RAB19: variants seen among roughly 807,000 people sequenced by gnomAD.
The protein encoded by RAB19 is ras-related protein Rab-19.
A neutral mutation model predicts 17.3 loss-of-function variants in RAB19; 21 were observed. The ratio of observed to expected loss-of-function variants is 1.21; its 90% confidence interval spans 0.86 to 1.74. The LOEUF (loss-of-function observed/expected upper bound fraction) is 1.74. Among genes scored for constraint, RAB19 ranks in the 40% most tolerant of loss-of-function variants. RAB19 has a pLI of 0.00. For missense variants in RAB19, 277 were observed against 286.8 expected (o/e 0.97, Z 0.25); for synonymous variants, 126 against 110.4 (o/e 1.14, Z -0.88).
At chr7:140,425,285 CAAACA>C (rs540341868) in intron 3 of RAB19, among the ~76,000 whole-genome samples, 26 of 151,592 alleles carry the variant, frequency 1.7e-4, no homozygotes, top group Middle Eastern at 3.4e-3. Flanking sequence ...GACTCCATCT[CAAACA>C]AAACAAAACA....
chr7:140,409,992 C>CAAA (rs760964553), intron 2 of RAB19, among the ~76,000 whole-genome samples: 8 of 94,182 alleles, frequency 8.5e-5, no homozygotes, highest in African/African-American at 1.2e-4. Context: ...GACTCCGTCT[C>CAAA]AAAAAAAAAA....
rs908620886 is a variant in RAB19 at position 140,427,672 on chromosome 7, G to A, written c.*1522G>A. On this transcript the variant is annotated 3_prime_UTR_variant, in exon 4 of 4. Coordinates refer to ENST00000537763, the MANE Select transcript of RAB19 (RefSeq NM_001008749.3). ...TCACCACGTTGGCCAGGCTGGTCTC[G>A]AACTCCTGACCTCATGATCCACCTG... Among the ~76,000 whole-genome samples, 7 of 151,566 alleles carry A rather than the reference G, an allele frequency of 4.6e-5. No homozygotes were observed. Among genetic ancestry groups the A allele is most frequent in the Non-Finnish European group, 1.0e-4 (7 of 67,926 alleles).
rs116337804 is a variant in RAB19 at position 140,413,782 on chromosome 7, A to T, written c.385+1725A>T. ...AGATGGGAGAGCTGTGCCATGGCAT[A>T]CAAACGGCCGGGGTGGACAGGTAGA... On this transcript the variant is annotated intron_variant, in intron 3 of 3. Coordinates refer to ENST00000537763, the MANE Select transcript of RAB19 (RefSeq NM_001008749.3). Among the ~76,000 whole-genome samples the T allele has an allele frequency of 6.6e-3, 998 of 152,282 alleles. 13 individuals are homozygous for T. The highest frequency in any genetic ancestry group is 0.023 in the African/African-American group (945 of 41,570).
intron 2 of RAB19, among the ~76,000 whole-genome samples, chr7:140,409,532 T>TA (rs1296255741): frequency 1.3e-5 from 2 of 151,360 alleles, no homozygotes; most frequent in Admixed American, 1.3e-4. Context: ...CCATCTCTAC[T>TA]AAAAATACAA....
intron 3 of RAB19, 122 bp from the exon 4 acceptor site, chr7:140,425,760 G>A (rs1430232788): frequency 9.7e-7 from 1 of 1,036,166 alleles, no homozygotes; most frequent in Non-Finnish European, 1.4e-6. Context: ...TGCCCTCAAT[G>A]ACCATTTGTG....
chr7:140,416,064 C>T (rs867771497), intron 3 of RAB19, among the ~76,000 whole-genome samples: 57 of 149,984 alleles, frequency 3.8e-4, no homozygotes, highest in Admixed American at 3.5e-3. Flanking sequence ...AACAAACAGC[C>T]GGGTGCAGTG....
chr7:140,408,290 G>T (rs1799287705), intron 2 of RAB19, among the ~76,000 whole-genome samples: 1 of 151,900 alleles, frequency 6.6e-6, no homozygotes, highest in African/African-American at 2.4e-5. Context: ...AAGAAAACAT[G>T]GGAGTATTTA....
rs1457587249 is a variant in RAB19 at position 140,426,970 on chromosome 7, T to G, written c.*820T>G. On this transcript the variant is annotated 3_prime_UTR_variant, in exon 4 of 4. Coordinates refer to ENST00000537763, the MANE Select transcript of RAB19 (RefSeq NM_001008749.3). ...GGTTCTCCCACCTCAGTCTCCCAAG[T>G]GGCTGGGACTACAGACACACGCCAC... Among the ~76,000 whole-genome samples the G allele has an allele frequency of 6.7e-6, 1 of 150,354 alleles. No individual in the cohort carries two copies. Among genetic ancestry groups the G allele is most frequent in the Non-Finnish European group, 1.5e-5 (1 of 67,738 alleles).
Position 140,427,674 on chromosome 7 carries a change from A to T in RAB19, c.*1524A>T, listed in dbSNP as rs1799694536. ...ACCACGTTGGCCAGGCTGGTCTCGA[A>T]CTCCTGACCTCATGATCCACCTGTC... On this transcript the variant is annotated 3_prime_UTR_variant, in exon 4 of 4. Transcript: ENST00000537763. Among the ~76,000 whole-genome samples the T allele has an allele frequency of 6.6e-6, 1 of 150,858 alleles. No individual in the cohort carries two copies. Among genetic ancestry groups the T allele is most frequent in the South Asian group, 2.1e-4 (1 of 4,780 alleles).
At position 140,411,918 on chromosome 7, in the gene RAB19, C is replaced by T; in HGVS notation, c.246C>T (p.Ile82=). Reference sequence around the variant, plus strand: ...CTGGCCAGGAGCGCTTCCGCACCATCACCCAAAGCTACTACCGCAGTGCCC... The same window carrying T: ...CTGGCCAGGAGCGCTTCCGCACCATTACCCAAAGCTACTACCGCAGTGCCC... ...DTAGQERFRT[I]TQSYYRSAHA... Residue 82 remains isoleucine (I), a synonymous_variant, in exon 3 of 4, where the codon ATC becomes ATT. Coordinates refer to ENST00000537763, the MANE Select transcript of RAB19 (RefSeq NM_001008749.3). 6.2e-7 allele frequency: 1 copy of T among 1,614,208 alleles called. No individual in the cohort carries two copies. Among genetic ancestry groups the T allele is most frequent in the Non-Finnish European group, 8.5e-7 (1 of 1,180,044 alleles).
Position 140,411,977 on chromosome 7 carries a change from G to T in RAB19, c.305G>T (p.Arg102Leu), listed in dbSNP as rs570778385. 1.4e-5 allele frequency: 22 copies of T among 1,613,868 alleles called. No individual in the cohort carries two copies. The East Asian group carries it at 4.2e-4, about 31-fold the overall frequency. Reference sequence around the variant, plus strand: ...ATCATCGCCTATGACCTCACCCGGCGGTCCACGTTCGAGTCCATCCCTCAC... The same window carrying T: ...ATCATCGCCTATGACCTCACCCGGCTGTCCACGTTCGAGTCCATCCCTCAC... ...AAIIAYDLTR[R>L]STFESIPHWI... The change falls in exon 3 of 4, where the codon CGG becomes CTG. Residue 102 changes from arginine to leucine, a missense_variant. Arg to Leu is a moderately radical substitution (Grantham distance 102). Coordinates refer to ENST00000537763, the MANE Select transcript of RAB19 (RefSeq NM_001008749.3).
chr7:140,411,680 C>A, intron 2 of RAB19, 194 bp from the exon 3 acceptor site: 2 of 1,344,398 alleles, frequency 1.5e-6, no homozygotes, highest in East Asian at 2.5e-5. Flanking sequence ...GGTCGTTCCC[C>A]AACCAAGGAG....
In RAB19 at chr7:140,420,153, G is replaced by T. The variant is rs140369229; in HGVS notation, c.386-5729G>T. Among the ~76,000 whole-genome samples the T allele has an allele frequency of 5.3e-3, 813 of 152,282 alleles. 27 individuals are homozygous for T. The East Asian group carries it at 0.093, about 17-fold the overall frequency. ...AGAAGGAGCAGGGCTGGGCACAGTG[G>T]CTCATGCCTGTAATCCCAGCACTTT... On this transcript the variant is annotated intron_variant, in intron 3 of 3. Coordinates refer to ENST00000537763, the MANE Select transcript of RAB19 (RefSeq NM_001008749.3).
In RAB19 at chr7:140,427,788, C is replaced by G. The variant is rs1233981106; in HGVS notation, c.*1638C>G. Among the ~76,000 whole-genome samples, 2 of 150,862 alleles carry G rather than the reference C, an allele frequency of 1.3e-5. No homozygotes were observed. The highest frequency in any genetic ancestry group is 3.0e-5 in the Non-Finnish European group (2 of 67,758). ...TTATTATTGTAGAAATGAAGTCTTGCTACGTTGCCCAGGCTGGTCTCCAAT... is the reference window on the plus strand; with the variant it reads ...TTATTATTGTAGAAATGAAGTCTTGGTACGTTGCCCAGGCTGGTCTCCAAT... On this transcript the variant is annotated 3_prime_UTR_variant, in exon 4 of 4. Coordinates refer to ENST00000537763, the MANE Select transcript of RAB19 (RefSeq NM_001008749.3).
Position 140,411,988 on chromosome 7 carries a change from G to A in RAB19, c.316G>A (p.Glu106Lys), listed in dbSNP as rs369704079. ...AYDLTRRSTF[E>K]SIPHWIHEIE... ...TGACCTCACCCGGCGGTCCACGTTCGAGTCCATCCCTCACTGGATTCATGA... is the reference window on the plus strand; with the variant it reads ...TGACCTCACCCGGCGGTCCACGTTCAAGTCCATCCCTCACTGGATTCATGA... Residue 106 changes from glutamate (E) to lysine (K), a missense_variant, in exon 3 of 4, where the codon GAG becomes AAG. Transcript: ENST00000537763. 5.6e-6 allele frequency: 9 copies of A among 1,614,008 alleles called. No individual in the cohort carries two copies. The highest frequency in any genetic ancestry group is 2.2e-5 in the East Asian group (1 of 44,888).
At chr7:140,412,606 G>T (rs1799387446) in intron 3 of RAB19, among the ~76,000 whole-genome samples, 1 of 151,264 alleles carries the variant, frequency 6.6e-6, no homozygotes, top group Admixed American at 6.6e-5. Context: ...GGGCTGAAGT[G>T]ATCCCCCTGC....
intron 2 of RAB19, chr7:140,411,129 G>A: frequency 7.3e-7 from 1 of 1,366,258 alleles, no homozygotes; most frequent in Non-Finnish European, 9.8e-7. Context: ...GCCGGGCGCA[G>A]TGGCTCACGC....
At chr7:140,411,558 A>G in intron 2 of RAB19, among the ~76,000 whole-genome samples, 1 of 151,682 alleles carries the variant, frequency 6.6e-6, no homozygotes, top group Non-Finnish European at 1.5e-5. Flanking sequence ...AAAAATGCAG[A>G]AAAACTCATA....
At chr7:140,413,192 A>T (rs1415281529) in intron 3 of RAB19, among the ~76,000 whole-genome samples, 1 of 152,182 alleles carries the variant, frequency 6.6e-6, no homozygotes, top group East Asian at 1.9e-4. Context: ...ACTTTACTGT[A>T]GATGTATAGA....
Sources: gnomAD v4.1 joint callset for allele counts (sites outside exome capture counted in the v4.1 genomes callset) on GRCh38, gnomAD v4.1.1 for gene constraint, MANE v1.5 for transcripts, NCBI Gene and HGNC (gene_info 2026-07-23, HGNC 2026-07-21) for gene names.